The following DAB2IP variants were observed in gnomAD, a reference collection of about 807,000 sequenced individuals.
DAB2IP encodes disabled homolog 2-interacting protein.
A neutral mutation model predicts 107.2 loss-of-function variants in DAB2IP; 28 were observed. That is an observed-to-expected ratio of 0.26 (90% CI 0.19 to 0.36). The LOEUF is 0.36. Among genes scored for constraint, DAB2IP ranks in the 10% least tolerant of loss-of-function variants. The pLI is 1.00. For synonymous variants in DAB2IP, 755 were observed against 706.4 expected (o/e 1.07, Z -1.09); for missense variants, 1,400 against 1,644.7 (o/e 0.85, Z 2.57).
At chr9:121,644,591 C>T (rs1439625879) in intron 1 of DAB2IP, among the ~76,000 whole-genome samples, 10 of 148,742 alleles carry the variant, frequency 6.7e-5, no homozygotes, top group Admixed American at 2.7e-4. Context: ...GAGACTCCAT[C>T]TCAAAAAAAA....
chr9:121,726,775 G>GT (rs1315943551), intron 3 of DAB2IP, among the ~76,000 whole-genome samples: 14 of 152,304 alleles, frequency 9.2e-5, no homozygotes, highest in Admixed American at 5.2e-4. Flanking sequence ...ACTGAGTTGG[G>GT]TTTTTTCTAC....
chr9:121,774,503 G>T, intron 13 of DAB2IP, 91 bp downstream of exon 13: 1 of 1,410,528 alleles, frequency 7.1e-7, no homozygotes. Context: ...CCCAGCAACG[G>T]GTGCTGCTGT....
rs556502688 is a variant in DAB2IP, at chr9:121,698,828, C to T, written c.229-497C>T. ...CTCGCAGCGGAGGAAGGCGCTTTGT[C>T]AATCCCCGACGGGGTGGGGGGGCGT... is the stretch of plus-strand genomic sequence containing the variant. On this transcript the variant is annotated intron_variant, in intron 2 of 15. Coordinates refer to ENST00000408936, the Ensembl canonical transcript of DAB2IP. The surrounding 1 kb of genome is among the most constrained non-coding windows in gnomAD (Gnocchi z 4.1). Among the ~76,000 whole-genome samples the T allele has an allele frequency of 6.6e-6, 1 of 152,232 alleles. No homozygotes were observed. The highest frequency in any genetic ancestry group is 1.9e-4 in the East Asian group (1 of 5,156).
intron 1 of DAB2IP, among the ~76,000 whole-genome samples, chr9:121,590,067 A>G (rs1435169895): frequency 1.3e-5 from 2 of 151,674 alleles, no homozygotes; most frequent in East Asian, 1.9e-4. Context: ...GTGTCCCCTC[A>G]GAACAGGTCT....
chr9:121,596,593 T>C (rs1830535966), intron 1 of DAB2IP, among the ~76,000 whole-genome samples: 1 of 150,904 alleles, frequency 6.6e-6, no homozygotes, highest in African/African-American at 2.5e-5. Context: ...TTATTTGAGA[T>C]TTGAGATTCA....
chr9:121,623,925 A>T (rs1280327629), intron 1 of DAB2IP, among the ~76,000 whole-genome samples: 1 of 152,144 alleles, frequency 6.6e-6, no homozygotes, highest in African/African-American at 2.4e-5. Context: ...AGTTTACTTC[A>T]CATCTGTAAG....
At chr9:121,670,395 C>A (rs1194793117) in intron 1 of DAB2IP, among the ~76,000 whole-genome samples, 1 of 152,260 alleles carries the variant, frequency 6.6e-6, no homozygotes, top group Non-Finnish European at 1.5e-5. Context: ...ATGGGTCTTG[C>A]CAGACCAAAA....
chr9:121,693,382 C>T (rs895370209), intron 2 of DAB2IP, among the ~76,000 whole-genome samples: 3 of 152,212 alleles, frequency 2.0e-5, no homozygotes, highest in Admixed American at 1.3e-4. Context: ...CCAGCTCATG[C>T]ACCCAGCATC....
chr9:121,699,369 G>C lies in DAB2IP; in HGVS notation c.273G>C (p.Lys91Asn), dbSNP rs766213314. Residue 91 changes from lysine to asparagine, a missense_variant, in exon 3 of 16, where the codon AAG becomes AAC. Coordinates refer to ENST00000408936, the Ensembl canonical transcript of DAB2IP. The surrounding 1 kb of genome is among the most constrained non-coding windows in gnomAD (Gnocchi z 6.2). ...TCAAGGGCTCCATCAAGCGCACCAA[G>C]AGCCAGCCCAAGCTGGACCGCAACC... The C allele has an allele frequency of 2.0e-6, 3 of 1,478,574 alleles. No individual in the cohort carries two copies. Among genetic ancestry groups the C allele is most frequent in the Non-Finnish European group, 2.7e-6 (3 of 1,104,948 alleles). The allele number at this position is 1,478,574 out of a possible 1,614,324, so 91.6% of individuals were successfully genotyped here.
At chr9:121,731,546 G>A (rs1433798709) in intron 3 of DAB2IP, among the ~76,000 whole-genome samples, 1 of 152,270 alleles carries the variant, frequency 6.6e-6, no homozygotes, top group African/African-American at 2.4e-5. Context: ...ACATGGGGAA[G>A]TGGGAACAGA....
At chr9:121,692,511 G>C (rs1829213349) in intron 2 of DAB2IP, among the ~76,000 whole-genome samples, 1 of 152,192 alleles carries the variant, frequency 6.6e-6, no homozygotes, top group African/African-American at 2.4e-5. Context: ...AGTGACCCTA[G>C]AGTGTCAGGG....
At chr9:121,696,285 T>C (rs774990463) in intron 2 of DAB2IP, among the ~76,000 whole-genome samples, 35 of 152,332 alleles carry the variant, frequency 2.3e-4, no homozygotes, top group Admixed American at 1.6e-3. Flanking sequence ...GGAGCTGGGT[T>C]TGACTTGGTT....
chr9:121,620,141 C>G (rs1425525987), intron 1 of DAB2IP, among the ~76,000 whole-genome samples: 6 of 152,212 alleles, frequency 3.9e-5, no homozygotes, highest in Non-Finnish European at 2.9e-5. Flanking sequence ...GCTCTGACCC[C>G]CTGCTGCAGC....
chr9:121,581,736 G>A (rs1213642321), intron 1 of DAB2IP, among the ~76,000 whole-genome samples: 1 of 152,210 alleles, frequency 6.6e-6, no homozygotes, highest in Non-Finnish European at 1.5e-5. Flanking sequence ...AGGAGAGGCT[G>A]TGTGAGAGCT....
At chr9:121,745,371 C>G (rs915007437) in intron 3 of DAB2IP, among the ~76,000 whole-genome samples, 9 of 152,120 alleles carry the variant, frequency 5.9e-5, no homozygotes, top group Admixed American at 3.9e-4. Context: ...AGTTTCTGCC[C>G]GTGCCAGTGG....
intron 3 of DAB2IP, among the ~76,000 whole-genome samples, chr9:121,744,705 G>A (rs982750003): frequency 6.6e-6 from 1 of 152,208 alleles, no homozygotes; most frequent in Non-Finnish European, 1.5e-5. Flanking sequence ...GAGCCGAAGT[G>A]CCAGGTGTCC....
chr9:121,648,775 A>G (rs1291753764), upstream of DAB2IP, among the ~76,000 whole-genome samples: 4 of 152,126 alleles, frequency 2.6e-5, no homozygotes, highest in African/African-American at 9.7e-5. Flanking sequence ...AGGTGGGAGA[A>G]TAAGACCAGA....
At chr9:121,642,931 G>T (rs1254227730) in intron 1 of DAB2IP, among the ~76,000 whole-genome samples, 3 of 150,138 alleles carry the variant, frequency 2.0e-5, no homozygotes, top group Non-Finnish European at 4.5e-5. Context: ...TTGAGCTGAG[G>T]CCTGAATGAC....
chr9:121,665,583 G>C lies in DAB2IP; in HGVS notation c.125-13095G>C, dbSNP rs191526408. 5.9e-5 allele frequency among the ~76,000 whole-genome samples: 9 copies of C among 152,306 alleles called. No homozygotes were observed. The East Asian group carries it at 1.7e-3, about 29-fold the overall frequency. ...ATACTAAAGGTAAAATACACAGAGT[G>C]TGGAGTGACTGTATGAAAGGATAAC... On this transcript the variant is annotated intron_variant, in intron 1 of 15. Transcript: ENST00000408936.
Sources: gnomAD v4.1 joint callset for allele counts (sites outside exome capture counted in the v4.1 genomes callset) on GRCh38, gnomAD v4.1.1 for gene constraint, Gnocchi (gnomAD v3.1) non-coding constraint, MANE v1.5 for transcripts, NCBI Gene and HGNC (gene_info 2026-07-23, HGNC 2026-07-21) for gene names.